FAM114A1: variants seen among roughly 807,000 people sequenced by gnomAD.
The protein encoded by FAM114A1 is family with sequence similarity 114 member A1, also known as protein NOXP20.
A neutral mutation model predicts 64.3 loss-of-function variants in FAM114A1; 62 were observed. The ratio of observed to expected loss-of-function variants is 0.96; its 90% confidence interval spans 0.79 to 1.19. FAM114A1 has a LOEUF of 1.19. FAM114A1 is among the 50% of genes most tolerant of loss of function. FAM114A1 has a pLI of 0.00. For missense variants in FAM114A1, 645 were observed against 676.3 expected, an observed-to-expected ratio of 0.95 and a Z score of 0.51; for synonymous variants, 254 against 251.1, an observed-to-expected ratio of 1.01 and a Z score of -0.11.
chr4:38,923,494 T>C (rs1039573712), intron 9 of FAM114A1, among the ~76,000 whole-genome samples: 1 of 152,160 alleles, frequency 6.6e-6, no homozygotes, highest in African/African-American at 2.4e-5. Flanking sequence ...GTGCTGGGAT[T>C]ACAGGCATGA....
chr4:38,915,744 GGT>G (rs58018099), intron 8 of FAM114A1, among the ~76,000 whole-genome samples: 27,699 of 138,818 alleles, frequency 0.2, 2,941 homozygotes, highest in Middle Eastern at 0.32. Context: ...CATCTATAGT[GGT>G]GTGTGTGTGT....
chr4:38,934,465 G>T (rs984698427), intron 12 of FAM114A1, among the ~76,000 whole-genome samples: 2 of 151,986 alleles, frequency 1.3e-5, no homozygotes. Context: ...ATTAGATAAG[G>T]CCTCTTTTAT....
In FAM114A1 at chr4:38,902,091, T is replaced by C. The variant is rs530449865; in HGVS notation, c.437-3431T>C. ...AAACTTTCTTAACATAACATAGTGATTACACATGTGGGTTCTAGAGTCAGA... is the reference window on the plus strand; with the variant it reads ...AAACTTTCTTAACATAACATAGTGACTACACATGTGGGTTCTAGAGTCAGA... On this transcript the variant is annotated intron_variant, in intron 4 of 14. Transcript: ENST00000358869. Among the ~76,000 whole-genome samples the C allele has an allele frequency of 5.8e-4, 88 of 152,354 alleles. No homozygotes were observed. In the Middle Eastern group the frequency reaches 0.044, roughly 77 times the overall value.
At position 38,878,347 on chromosome 4, in the gene FAM114A1, C is replaced by T. The variant is rs916070922; in HGVS notation, c.269C>T (p.Thr90Ile). Reference protein sequence around the residue: ...PPLNGDVTEDTLAECIDSVSL... With the variant: ...PPLNGDVTEDILAECIDSVSL... ...CTCAATGGAGACGTGACTGAGGATA[C>T]ACTTGCTGAATGTATTGATTCCGTC... is the stretch of plus-strand genomic sequence containing the variant. The change falls in exon 3 of 15, where the codon ACA becomes ATA. Residue 90 changes from threonine to isoleucine, a missense_variant. Transcript: ENST00000358869. 6.2e-7 allele frequency: 1 copy of T among 1,614,108 alleles called. No homozygotes were observed. The highest frequency in any genetic ancestry group is 1.7e-4 in the Middle Eastern group (1 of 6,060).
At chr4:38,930,652 C>T (rs892892802) in intron 10 of FAM114A1, among the ~76,000 whole-genome samples, 1 of 152,168 alleles carries the variant, frequency 6.6e-6, no homozygotes, top group Non-Finnish European at 1.5e-5. Flanking sequence ...TTAACTTTGG[C>T]GTGTAAGATT....
chr4:38,893,133 T>C (rs1395922299), intron 4 of FAM114A1, among the ~76,000 whole-genome samples: 2 of 152,246 alleles, frequency 1.3e-5, no homozygotes, highest in Non-Finnish European at 2.9e-5. Flanking sequence ...CAGGATGCTA[T>C]CTCTTCACAA....
intron 4 of FAM114A1, among the ~76,000 whole-genome samples, chr4:38,900,026 A>C (rs1244964536): frequency 6.6e-6 from 1 of 152,040 alleles, no homozygotes; most frequent in Non-Finnish European, 1.5e-5. Context: ...TCTGTTATCT[A>C]TGTTTCTATA....
chr4:38,941,425 A>G (rs1228584786), intron 14 of FAM114A1, among the ~76,000 whole-genome samples: 2 of 152,194 alleles, frequency 1.3e-5, no homozygotes, highest in Non-Finnish European at 2.9e-5. Flanking sequence ...GCTGGGTCTA[A>G]TGTCCAAGCT....
chr4:38,921,266 T>C (rs532971237), intron 8 of FAM114A1, among the ~76,000 whole-genome samples: 2 of 152,308 alleles, frequency 1.3e-5, no homozygotes, highest in South Asian at 2.1e-4. Flanking sequence ...CGGCCATCTG[T>C]ACAAATAATG....
At chr4:38,941,089 T>G in intron 14 of FAM114A1, 68 bp downstream of exon 14, 1 of 1,418,036 alleles carries the variant, frequency 7.1e-7, no homozygotes, top group Non-Finnish European at 9.8e-7. Context: ...TTTTTTTTTT[T>G]TGCCTTTCTT....
rs1721815084 is a variant in FAM114A1 at position 38,944,437 on chromosome 4, C to G, written c.*880C>G. 6.6e-6 allele frequency: 1 copy of G among 152,188 alleles called. No homozygotes were observed. The highest frequency in any genetic ancestry group is 2.1e-4 in the South Asian group (1 of 4,830). 9.4% of individuals were successfully genotyped at this position (152,188 alleles called of 1,614,324 possible). ...TGTGCTCACAGTAAAGAAACGTGATCTTATCCCAGTAGAGGTAGATATTCT... is the reference window on the plus strand; with the variant it reads ...TGTGCTCACAGTAAAGAAACGTGATGTTATCCCAGTAGAGGTAGATATTCT... On this transcript the variant is annotated 3_prime_UTR_variant, in exon 15 of 15. Transcript: ENST00000358869.
At chr4:38,927,908 T>G (rs1347510154) in intron 9 of FAM114A1, among the ~76,000 whole-genome samples, 2 of 152,116 alleles carry the variant, frequency 1.3e-5, no homozygotes. Flanking sequence ...GGTCTCAAAC[T>G]CCTGACCTCA....
At chr4:38,934,037 C>T (rs1720880624) in intron 12 of FAM114A1, among the ~76,000 whole-genome samples, 1 of 152,166 alleles carries the variant, frequency 6.6e-6, no homozygotes, top group South Asian at 2.1e-4. Flanking sequence ...ACCACAGAAT[C>T]CCCACCTTAA....
intron 9 of FAM114A1, among the ~76,000 whole-genome samples, chr4:38,926,252 C>T (rs1046206474): frequency 5.3e-5 from 8 of 151,800 alleles, no homozygotes; most frequent in Non-Finnish European, 1.2e-4. Context: ...CAGCCCAGAA[C>T]TCTCTGTGCT....
At chr4:38,920,547 A>G (rs1719490510) in intron 8 of FAM114A1, among the ~76,000 whole-genome samples, 1 of 152,214 alleles carries the variant, frequency 6.6e-6, no homozygotes, top group African/African-American at 2.4e-5. Context: ...GTGCTTCGCT[A>G]AAGAAAACCC....
chr4:38,928,991 G>A, intron 9 of FAM114A1: 7 of 469,270 alleles, frequency 1.5e-5, no homozygotes, highest in South Asian at 1.5e-4. Flanking sequence ...GTTGCCTTTG[G>A]GTTGTCCTGG....
rs1044089674 is a variant in FAM114A1, at chr4:38,915,880, G to T, written c.945+807G>T. On this transcript the variant is annotated intron_variant, in intron 8 of 14. Coordinates refer to ENST00000358869, the MANE Select transcript of FAM114A1 (RefSeq NM_138389.4). The stretch of plus-strand genomic sequence containing the variant: ...TAACTTATTTAACTGTATATATGTG[G>T]CTGTTTTGTGGATGTCAGGCTGACT... Among the ~76,000 whole-genome samples the T allele has an allele frequency of 1.1e-4, 17 of 150,932 alleles. No homozygotes were observed. The Admixed American group carries it at 1.1e-3, about 10-fold the overall frequency.
intron 8 of FAM114A1, among the ~76,000 whole-genome samples, chr4:38,920,138 C>T (rs1359311364): frequency 6.6e-6 from 1 of 151,468 alleles, no homozygotes. Context: ...ACCCGGGAGG[C>T]GGAGGTTCCA....
chr4:38,905,985 G>T, intron 6 of FAM114A1, 124 bp downstream of exon 6: 64 of 788,792 alleles, frequency 8.1e-5, no homozygotes, highest in South Asian at 3.4e-4. Context: ...TTTGGATTAT[G>T]GTTTTTTTTT....
Sources: gnomAD v4.1 joint callset for allele counts (sites outside exome capture counted in the v4.1 genomes callset) on GRCh38, gnomAD v4.1.1 for gene constraint, MANE v1.5 for transcripts, NCBI Gene and HGNC (gene_info 2026-07-23, HGNC 2026-07-21) for gene names.